Variants in PTPRT observed in about 807,000 individuals in gnomAD.
PTPRT encodes protein tyrosine phosphatase receptor type T.
Under a neutral mutation model 176.8 loss-of-function variants are expected in PTPRT, and 56 were observed. That is an observed-to-expected ratio of 0.32 (90% CI 0.26 to 0.40). The LOEUF (loss-of-function observed/expected upper bound fraction) is 0.40, where lower values mean the gene tolerates loss of function less well. Among genes scored for constraint, PTPRT ranks in the 10% least tolerant of loss-of-function variants. The pLI, the probability that PTPRT is intolerant of heterozygous loss-of-function variation, is 1.00. For missense variants in PTPRT, 1,540 were observed against 1,908.2 expected, an observed-to-expected ratio of 0.81 and a Z score of 3.60; for synonymous variants, 783 against 739.0, an observed-to-expected ratio of 1.06 and a Z score of -0.96.
chr20:42,201,398 A>G (rs1026013022), intron 15 of PTPRT, among the ~76,000 whole-genome samples: 3 of 152,232 alleles, frequency 2.0e-5, no homozygotes, highest in African/African-American at 7.2e-5. Context: ...CCAGTTTGAT[A>G]GCATCCTCCT....
chr20:42,138,112 G>A (rs1301817248), intron 18 of PTPRT, among the ~76,000 whole-genome samples: 2 of 152,368 alleles, frequency 1.3e-5, no homozygotes, highest in Admixed American at 6.5e-5. Context: ...TTCTGATTCA[G>A]TAAGTCTGGG....
At chr20:42,481,900 T>C (rs1250755137) in intron 7 of PTPRT, among the ~76,000 whole-genome samples, 1 of 152,174 alleles carries the variant, frequency 6.6e-6, no homozygotes, top group Non-Finnish European at 1.5e-5. Flanking sequence ...GTATGGGTTC[T>C]TGACTGCAAC....
intron 1 of PTPRT, among the ~76,000 whole-genome samples, chr20:42,994,894 G>T (rs760253228): frequency 1.3e-5 from 2 of 152,200 alleles, no homozygotes; most frequent in Non-Finnish European, 2.9e-5. Context: ...ACCCAGTTCT[G>T]CTACTTCCTA....
chr20:42,400,597 C>T (rs1335838098), intron 9 of PTPRT, among the ~76,000 whole-genome samples: 1 of 151,918 alleles, frequency 6.6e-6, no homozygotes. Context: ...CTGTGCAGGG[C>T]AGAGAGAGTA....
chr20:42,166,635 G>A lies in PTPRT; in HGVS notation c.2492-5093C>T, dbSNP rs575300695. 7.2e-5 allele frequency among the ~76,000 whole-genome samples: 11 copies of A among 152,170 alleles called. 1 individual carries two copies. Among genetic ancestry groups the A allele is most frequent in the African/African-American group, 2.4e-4 (10 of 41,532 alleles). On this transcript the variant is annotated intron_variant, in intron 16 of 30. Transcript: ENST00000373187. ...TTACATAACTATTTGAGAAGAAGTCGGGGCCAGGTGCGGTGGTTCATGCCT... is the reference window on the plus strand; with the variant it reads ...TTACATAACTATTTGAGAAGAAGTCAGGGCCAGGTGCGGTGGTTCATGCCT...
chr20:42,639,984 G>A (rs1424263184), intron 7 of PTPRT, among the ~76,000 whole-genome samples: 1 of 152,060 alleles, frequency 6.6e-6, no homozygotes, highest in Non-Finnish European at 1.5e-5. Context: ...CCTGCCATCT[G>A]TCAGCAGCTA....
intron 6 of PTPRT, among the ~76,000 whole-genome samples, chr20:42,699,343 C>A (rs1015833078): frequency 3.3e-5 from 5 of 152,146 alleles, no homozygotes; most frequent in African/African-American, 1.2e-4. Context: ...ATTGCATCTG[C>A]TTGAGAAAGC....
At chr20:42,935,199 G>T (rs1420556934) in intron 1 of PTPRT, among the ~76,000 whole-genome samples, 1 of 121,252 alleles carries the variant, frequency 8.2e-6, no homozygotes, top group Admixed American at 1.0e-4. Flanking sequence ...GAGTGCAGTG[G>T]CATGATCATA....
chr20:42,866,853 C>T (rs1298892285), intron 2 of PTPRT, among the ~76,000 whole-genome samples: 1 of 152,146 alleles, frequency 6.6e-6, no homozygotes, highest in East Asian at 1.9e-4. Flanking sequence ...TCTTTGTGTG[C>T]CTCATTTTTC....
At chr20:42,340,444 T>C (rs1185667751) in intron 11 of PTPRT, among the ~76,000 whole-genome samples, 1 of 152,182 alleles carries the variant, frequency 6.6e-6, no homozygotes, top group Non-Finnish European at 1.5e-5. Context: ...TAACCACACA[T>C]TTTTTTGGCC....
Position 42,771,542 on chromosome 20 carries a change from G to T in PTPRT, c.577C>A (p.Pro193Thr). The part of the protein sequence containing the change: ...RVLAHPCRKA[P>T]HFLRLQNVEV... ...ACGTTTTGGAGTCGCAGAAAATGAG[G>T]TGCTTTTCCTAAGAGAGAAACCAAA... Residue 193 changes from proline (P) to threonine (T), a missense_variant, in exon 5 of 31, where the codon CCT (proline) becomes ACT (threonine). Around this residue, in one of 11 missense-constraint regions of PTPRT, gnomAD observed 273 missense variants for 432.1 expected, o/e 0.63. Transcript: ENST00000373187. 1 of 1,613,834 alleles carries T rather than the reference G, an allele frequency of 6.2e-7. No homozygotes were observed. The highest frequency in any genetic ancestry group is 8.5e-7 in the Non-Finnish European group (1 of 1,179,722).
At chr20:42,414,179 A>C (rs1327315410) in intron 9 of PTPRT, among the ~76,000 whole-genome samples, 1 of 152,156 alleles carries the variant, frequency 6.6e-6, no homozygotes, top group Non-Finnish European at 1.5e-5. Flanking sequence ...CTCAACCAAT[A>C]CTTGATGGAT....
chr20:42,915,154 AAATCAC>A (rs1254156565), intron 1 of PTPRT, among the ~76,000 whole-genome samples: 1 of 152,242 alleles, frequency 6.6e-6, no homozygotes, highest in Non-Finnish European at 1.5e-5. Context: ...AGCAAAGAGA[AAATCAC>A]TCCCCAGATT....
At chr20:42,429,769 A>G (rs1298125434) in intron 9 of PTPRT, among the ~76,000 whole-genome samples, 1 of 152,222 alleles carries the variant, frequency 6.6e-6, no homozygotes, top group East Asian at 1.9e-4. Flanking sequence ...TAAACTAACA[A>G]GTAGGAAGCC....
At chr20:42,207,367 C>T (rs1471123611) in intron 15 of PTPRT, among the ~76,000 whole-genome samples, 3 of 146,206 alleles carry the variant, frequency 2.1e-5, no homozygotes, top group East Asian at 2.0e-4. Context: ...ACATTCAAAC[C>T]AAAGGCAAAG....
intron 15 of PTPRT, among the ~76,000 whole-genome samples, chr20:42,229,553 T>C (rs2056091157): frequency 6.6e-6 from 1 of 152,252 alleles, no homozygotes; most frequent in Non-Finnish European, 1.5e-5. Flanking sequence ...AGCAATGATA[T>C]CTGCTTCACA....
At chr20:42,223,847 T>G (rs966223294) in intron 15 of PTPRT, among the ~76,000 whole-genome samples, 5 of 152,152 alleles carry the variant, frequency 3.3e-5, no homozygotes, top group African/African-American at 1.2e-4. Flanking sequence ...TCTGAAAAAG[T>G]CCATTGTTGC....
chr20:42,565,948 T>C (rs1417886816), intron 7 of PTPRT, among the ~76,000 whole-genome samples: 1 of 152,058 alleles, frequency 6.6e-6, no homozygotes, highest in Non-Finnish European at 1.5e-5. Flanking sequence ...AGAGACGACT[T>C]GCTCTCTCCC....
At chr20:42,162,753 T>C (rs552584346) in intron 16 of PTPRT, among the ~76,000 whole-genome samples, 8 of 152,266 alleles carry the variant, frequency 5.3e-5, no homozygotes, top group Non-Finnish European at 7.3e-5. Context: ...TTAGCATATA[T>C]TCCCAATTTT....
Sources: allele counts gnomAD v4.1 joint callset (sites outside exome capture counted in the v4.1 genomes callset), GRCh38; gene constraint gnomAD v4.1.1; regional missense constraint gnomAD v4.1.1; transcripts MANE v1.5; gene names NCBI Gene and HGNC (gene_info 2026-07-23, HGNC 2026-07-21).